Variants in UGT2B11 observed in about 807,000 individuals in gnomAD.
UGT2B11 encodes UDP glucuronosyltransferase family 2 member B11.
UGT2B11 carries 49 observed loss-of-function variants against 51.7 expected under a neutral mutation model. That is an observed-to-expected ratio of 0.95 (90% CI 0.75 to 1.20). UGT2B11 has a LOEUF of 1.20. Ranked by LOEUF, UGT2B11 falls within the 50% of genes most tolerant of loss-of-function variation. The pLI, the probability that UGT2B11 is intolerant of heterozygous loss-of-function variation, is 0.00. For synonymous variants in UGT2B11, 273 were observed against 209.0 expected (o/e 1.31, Z -2.64); for missense variants, 810 against 622.1 (o/e 1.30, Z -3.21).
chr4:69,200,469 T>C lies in UGT2B11; in HGVS notation c.1561A>G (p.Arg521Gly), dbSNP rs775723217. 6.2e-7 allele frequency: 1 copy of C among 1,611,826 alleles called. No individual in the cohort carries two copies. Among genetic ancestry groups the C allele is most frequent in the East Asian group, 2.2e-5 (1 of 44,678 alleles). Reference sequence around the variant, plus strand: ...TCTCTTTTTCCCTTCTTCCCTTTTCTAGCAAACTTCCAGAAACAAAACAGA... The same window carrying C: ...TCTCTTTTTCCCTTCTTCCCTTTTCCAGCAAACTTCCAGAAACAAAACAGA... Reference protein sequence around the residue: ...FCLFCFWKFARKGKKGKRD With the variant: ...FCLFCFWKFAGKGKKGKRD The change falls in exon 6 of 6, where the codon AGA becomes GGA. Residue 521 changes from arginine to glycine, a missense_variant. By Grantham distance (125) the Arg-to-Gly change is moderately radical. Coordinates refer to ENST00000446444, the MANE Select transcript of UGT2B11 (RefSeq NM_001073.3).
At chr4:69,208,889 A>G (rs907634215) in intron 2 of UGT2B11, among the ~76,000 whole-genome samples, 3 of 151,640 alleles carry the variant, frequency 2.0e-5, no homozygotes, top group Non-Finnish European at 4.4e-5. Context: ...ACTTGTGTTT[A>G]TTTCAGGCAT....
At chr4:69,210,166 A>G (rs1016805386) in intron 2 of UGT2B11, among the ~76,000 whole-genome samples, 4 of 151,586 alleles carry the variant, frequency 2.6e-5, no homozygotes, top group Non-Finnish European at 4.4e-5. Context: ...GGTGTAATTG[A>G]ACATTTCATT....
At chr4:69,215,989 G>T (rs1008732745), upstream of UGT2B11, 3 of 151,964 alleles carry the variant, frequency 2.0e-5, no homozygotes, top group Admixed American at 6.6e-5. Context: ...AAATGCAACA[G>T]ATTTTTCACC....
At chr4:69,202,190 T>C (rs1721683626) in intron 5 of UGT2B11, among the ~76,000 whole-genome samples, 1 of 151,748 alleles carries the variant, frequency 6.6e-6, no homozygotes, top group East Asian at 2.0e-4. Flanking sequence ...AATAGATATT[T>C]GGGTTGCTAA....
rs1256250595 is a variant in UGT2B11, at chr4:69,205,644, A to G, written c.1003-77T>C. 3 of 1,486,386 alleles carry G rather than the reference A, an allele frequency of 2.0e-6. No individual in the cohort carries two copies. The African/African-American group carries it at 4.2e-5, about 21-fold the overall frequency. 92.1% of individuals were successfully genotyped at this position (1,486,386 alleles called of 1,614,324 possible). On this transcript the variant is annotated intron_variant, in intron 3 of 5. Coordinates refer to ENST00000446444, the MANE Select transcript of UGT2B11 (RefSeq NM_001073.3). Reference sequence around the variant, plus strand: ...AGAATGTTAGAACTGTAGAAAGCATAGGAATGAGATCAAGGGATGTTAGTA... The same window carrying G: ...AGAATGTTAGAACTGTAGAAAGCATGGGAATGAGATCAAGGGATGTTAGTA...
At chr4:69,217,070 A>G (rs1722293042), upstream of UGT2B11, among the ~76,000 whole-genome samples, 1 of 152,124 alleles carries the variant, frequency 6.6e-6, no homozygotes, top group Admixed American at 6.6e-5. Flanking sequence ...TTTAAGTACA[A>G]TTACAGTTAC....
intron 2 of UGT2B11, 26 bp from the exon 3 acceptor site, chr4:69,208,508 C>T (rs575670892): frequency 6.2e-7 from 1 of 1,606,012 alleles, no homozygotes; most frequent in East Asian, 2.2e-5. Context: ...TGTTTCATCA[C>T]AAAAGAGTAT....
chr4:69,208,391 G>A lies in UGT2B11; in HGVS notation c.962C>T (p.Ala321Val), dbSNP rs1721936915. 6.2e-7 allele frequency: 1 copy of A among 1,610,700 alleles called. No homozygotes were observed. The highest frequency in any genetic ancestry group is 8.5e-7 in the Non-Finnish European group (1 of 1,178,108). Reference sequence around the variant, plus strand: ...GGCAAGGGCTGTTGCAATTACATTGGCCCTTTCTGCTGTCATGTTACTTAT... The same window carrying A: ...GGCAAGGGCTGTTGCAATTACATTGACCCTTTCTGCTGTCATGTTACTTAT... Reference protein sequence around the residue: ...SVISNMTAERANVIATALAKI... With the variant: ...SVISNMTAERVNVIATALAKI... Residue 321 changes from alanine (A) to valine (V), a missense_variant, in exon 3 of 6, where the codon GCC (alanine) becomes GTC (valine). Transcript: ENST00000446444.
At chr4:69,213,398 T>C (rs1722147325) in intron 1 of UGT2B11, among the ~76,000 whole-genome samples, 1 of 151,784 alleles carries the variant, frequency 6.6e-6, no homozygotes, top group Non-Finnish European at 1.5e-5. Flanking sequence ...ACCTTCACAC[T>C]TCAACAAGAT....
Position 69,207,326 on chromosome 4 carries a change from G to C in UGT2B11, c.1002+1025C>G, listed in dbSNP as rs1721896119. ...AATTTGCAGTGTTTAACTTTTATTT[G>C]CTACATCAGTGTTAAAGTAACTCAG... is the stretch of plus-strand genomic sequence containing the variant. On this transcript the variant is annotated intron_variant, in intron 3 of 5. Coordinates refer to ENST00000446444, the MANE Select transcript of UGT2B11 (RefSeq NM_001073.3). 2.6e-5 allele frequency among the ~76,000 whole-genome samples: 4 copies of C among 151,600 alleles called. No homozygotes were observed. In the South Asian group the frequency reaches 8.3e-4, roughly 31 times the overall value.
At chr4:69,220,047 T>G in the UGT2B11 span, among the ~76,000 whole-genome samples, 14 of 152,284 alleles carry the variant, frequency 9.2e-5, no homozygotes, top group African/African-American at 2.2e-4. Context: ...ACTTTCTAGA[T>G]ACAATGAAGA....
the UGT2B11 span, among the ~76,000 whole-genome samples, chr4:69,221,233 G>T: frequency 1.1e-4 from 17 of 152,218 alleles, no homozygotes; most frequent in African/African-American, 3.6e-4. Flanking sequence ...CTGAGGTCTT[G>T]CACTAGTCTC....
At chr4:69,207,301 A>G (rs1380717104) in intron 3 of UGT2B11, among the ~76,000 whole-genome samples, 1 of 151,696 alleles carries the variant, frequency 6.6e-6, no homozygotes, top group Non-Finnish European at 1.5e-5. Flanking sequence ...ACTGAACAAT[A>G]ATTTGCAGTG....
At position 69,214,136 on chromosome 4, in the gene UGT2B11, A is replaced by G. The variant is rs1481379480; in HGVS notation, c.587T>C (p.Ile196Thr). ...TTGATCACTTAATTTTGACATAACA[A>G]TAGGTATGTAGGAAGGAGGGAAAAT... The part of the protein sequence containing the change: ...GLIFPPSYIP[I>T]VMSKLSDQMT... The change falls in exon 1 of 6, where the codon ATT becomes ACT. Residue 196 changes from isoleucine to threonine, a missense_variant. Coordinates refer to ENST00000446444, the MANE Select transcript of UGT2B11 (RefSeq NM_001073.3). The G allele has an allele frequency of 6.2e-7, 1 of 1,612,618 alleles. No homozygotes were observed. The highest frequency in any genetic ancestry group is 8.5e-7 in the Non-Finnish European group (1 of 1,179,166).
chr4:69,224,697 T>C, the UGT2B11 span, among the ~76,000 whole-genome samples: 13 of 151,672 alleles, frequency 8.6e-5, no homozygotes, highest in African/African-American at 3.1e-4. Context: ...CGCCAAAGAT[T>C]TGGTGTGGCA....
chr4:69,211,355 C>T (rs1490225240), intron 2 of UGT2B11, among the ~76,000 whole-genome samples: 2 of 151,470 alleles, frequency 1.3e-5, no homozygotes, highest in African/African-American at 4.8e-5. Context: ...GCTCATCTTA[C>T]TGTCACAATT....
At chr4:69,204,737 G>T (rs1401084137) in intron 4 of UGT2B11, 88 bp from the exon 5 acceptor site, 1 of 1,589,458 alleles carries the variant, frequency 6.3e-7, no homozygotes, top group Non-Finnish European at 8.6e-7. Flanking sequence ...GTGTTTTCTA[G>T]ATAACACATT....
chr4:69,200,841 G>C, intron 5 of UGT2B11, 122 bp from the exon 6 acceptor site: 1 of 1,196,858 alleles, frequency 8.4e-7, no homozygotes, highest in Non-Finnish European at 1.1e-6. Context: ...AATTGACAGA[G>C]AATTTGTGTA....
Position 69,214,284 on chromosome 4 carries a change from T to C in UGT2B11, c.439A>G (p.Ile147Val), listed in dbSNP as rs571627693. 3 of 1,613,304 alleles carry C rather than the reference T, an allele frequency of 1.9e-6. No individual in the cohort carries two copies. Among genetic ancestry groups the C allele is most frequent in the Non-Finnish European group, 2.5e-6 (3 of 1,179,506 alleles). ...GGAAAAACAGCATCTGCAAAAACGA[T>C]GTCAAATCTTGACTCTTGTAGTTTT... The part of the protein sequence containing the change: ...MKKLQESRFD[I>V]VFADAVFPCG... Residue 147 changes from isoleucine to valine, a missense_variant, in exon 1 of 6, where the codon ATC becomes GTC. Ile to Val is a conservative substitution (Grantham distance 29, BLOSUM62 3). Coordinates refer to ENST00000446444, the MANE Select transcript of UGT2B11 (RefSeq NM_001073.3).
Sources: gnomAD v4.1 joint callset for allele counts (sites outside exome capture counted in the v4.1 genomes callset) on GRCh38, gnomAD v4.1.1 for gene constraint, MANE v1.5 for transcripts, NCBI Gene and HGNC (gene_info 2026-07-23, HGNC 2026-07-21) for gene names.